Variants in NRCAM observed in about 807,000 individuals in gnomAD.
NRCAM encodes NgCAM-related cell adhesion molecule.
A neutral mutation model predicts 156.5 loss-of-function variants in NRCAM; 83 were observed. That is an observed-to-expected ratio of 0.53 (90% confidence interval 0.44 to 0.64). The LOEUF (loss-of-function observed/expected upper bound fraction) is 0.64. Ranked by LOEUF, NRCAM falls within the 30% of genes least tolerant of loss-of-function variation. The probability of loss-of-function intolerance (pLI) is 0.00; values close to 1 mark genes in which losing one functional copy is unlikely to be tolerated. For missense variants in NRCAM, 1,417 were observed against 1,597.3 expected, an observed-to-expected ratio of 0.89 and a Z score of 1.92; for synonymous variants, 538 against 563.9, an observed-to-expected ratio of 0.95 and a Z score of 0.65.
intron 2 of NRCAM, among the ~76,000 whole-genome samples, chr7:108,378,956 G>GT (rs1201586428): frequency 2.6e-5 from 4 of 152,110 alleles, no homozygotes; most frequent in Non-Finnish European, 5.9e-5. Flanking sequence ...TGCTTTTGAG[G>GT]TACAGCTAGC....
chr7:108,352,611 TG>T (rs1262845033), intron 2 of NRCAM, among the ~76,000 whole-genome samples: 1 of 152,216 alleles, frequency 6.6e-6, no homozygotes, highest in Non-Finnish European at 1.5e-5. Context: ...CATACAGAAA[TG>T]TTTTTTACTT....
At chr7:108,443,977 T>C (rs1004508789) in intron 1 of NRCAM, among the ~76,000 whole-genome samples, 4 of 150,698 alleles carry the variant, frequency 2.7e-5, no homozygotes, top group Admixed American at 2.0e-4. Flanking sequence ...GATGATGAGA[T>C]AGAGAGAGAG....
At chr7:108,441,150 A>G in intron 1 of NRCAM, among the ~76,000 whole-genome samples, 1 of 152,244 alleles carries the variant, frequency 6.6e-6, no homozygotes, top group East Asian at 1.9e-4. Context: ...TCAAGGAGTT[A>G]ATGTTAAATA....
intron 2 of NRCAM, among the ~76,000 whole-genome samples, chr7:108,331,337 G>A (rs12154914): frequency 0.25 from 37,923 of 151,896 alleles, 5,235 homozygotes; most frequent in Non-Finnish European, 0.3. Flanking sequence ...GAAGGTCAAG[G>A]CTGCAGTGAA....
At chr7:108,166,776 C>G in intron 30 of NRCAM, 145 bp downstream of exon 30, 2 of 590,002 alleles carry the variant, frequency 3.4e-6, no homozygotes, top group Non-Finnish European at 5.4e-6. Flanking sequence ...AGACAAAAAC[C>G]AAAACTCCCA....
At chr7:108,392,097 T>C (rs1168464328) in intron 2 of NRCAM, among the ~76,000 whole-genome samples, 5 of 152,316 alleles carry the variant, frequency 3.3e-5, no homozygotes, top group Admixed American at 2.0e-4. Context: ...GTTCTCTGTA[T>C]TTCCTGAATT....
chr7:108,449,410 G>A (rs1847885678), intron 1 of NRCAM, among the ~76,000 whole-genome samples: 2 of 152,162 alleles, frequency 1.3e-5, no homozygotes, highest in Admixed American at 6.5e-5. Context: ...CCCAGCAAGT[G>A]GGGCAGGCAA....
At position 108,446,977 on chromosome 7, in the gene NRCAM, G is replaced by A. The variant is rs1366834913; in HGVS notation, c.-332+9266C>T. On this transcript the variant is annotated intron_variant, in intron 1 of 32. Coordinates refer to ENST00000379028, the MANE Select transcript of NRCAM (RefSeq NM_001037132.4). Reference sequence around the variant, plus strand: ...ATTCCCGACCTCAAGTGATCTGCCCGCCCAGGCCTCCCAAAGTGCTGGGAT... The same window carrying A: ...ATTCCCGACCTCAAGTGATCTGCCCACCCAGGCCTCCCAAAGTGCTGGGAT... Among the ~76,000 whole-genome samples, 12 of 151,820 alleles carry A rather than the reference G, an allele frequency of 7.9e-5. No homozygotes were observed. The South Asian group carries it at 1.2e-3, about 16-fold the overall frequency.
At chr7:108,387,417 A>AAATCCATAAATATGGATGCACTATT (rs1280584242) in intron 2 of NRCAM, among the ~76,000 whole-genome samples, 1 of 152,130 alleles carries the variant, frequency 6.6e-6, no homozygotes, top group Non-Finnish European at 1.5e-5. Context: ...TGGATTACTT[A>AAATCCATAAATATGGATGCACTATT]TAGGTAATTA....
intron 3 of NRCAM, among the ~76,000 whole-genome samples, chr7:108,258,723 G>A (rs1413480636): frequency 1.3e-5 from 2 of 152,198 alleles, no homozygotes; most frequent in African/African-American, 4.8e-5. Context: ...TATGGAATGA[G>A]CATAGCGATG....
chr7:108,309,855 C>A (rs2154177585), intron 3 of NRCAM, among the ~76,000 whole-genome samples: 1 of 151,800 alleles, frequency 6.6e-6, no homozygotes, highest in South Asian at 2.1e-4. Context: ...GACTCCATCT[C>A]AAGAAAGAAA....
At chr7:108,392,608 C>G (rs1183126915) in intron 2 of NRCAM, among the ~76,000 whole-genome samples, 2 of 152,232 alleles carry the variant, frequency 1.3e-5, no homozygotes. Context: ...TGTTCCGTTG[C>G]TGGCAAGGAG....
intron 20 of NRCAM, among the ~76,000 whole-genome samples, chr7:108,185,494 G>GGGAGACCCAGGT (rs2066121159): frequency 6.6e-6 from 1 of 152,128 alleles, no homozygotes; most frequent in South Asian, 2.1e-4. Context: ...TCAGCACTTT[G>GGGAGACCCAGGT]GGAGACCCAG....
chr7:108,353,855 T>A (rs746392540), intron 2 of NRCAM, among the ~76,000 whole-genome samples: 4 of 152,272 alleles, frequency 2.6e-5, no homozygotes, highest in African/African-American at 9.6e-5. Flanking sequence ...AGCAACTTCA[T>A]GAGACCAGGA....
chr7:108,205,804 G>T (rs985728505), intron 13 of NRCAM, among the ~76,000 whole-genome samples: 2 of 152,152 alleles, frequency 1.3e-5, no homozygotes, highest in Non-Finnish European at 2.9e-5. Context: ...GCCCAGGCTG[G>T]TCTCTAACTC....
chr7:108,254,911 C>T (rs920671353), intron 3 of NRCAM, among the ~76,000 whole-genome samples: 1 of 152,070 alleles, frequency 6.6e-6, no homozygotes, highest in African/African-American at 2.4e-5. Context: ...TACTCTTTTA[C>T]CTAAGAGTAA....
intron 19 of NRCAM, among the ~76,000 whole-genome samples, chr7:108,189,998 G>A (rs895732386): frequency 5.3e-5 from 8 of 152,204 alleles, no homozygotes; most frequent in African/African-American, 1.9e-4. Context: ...CAAACCCAGT[G>A]AAGCAGACAC....
intron 3 of NRCAM, among the ~76,000 whole-genome samples, chr7:108,268,636 T>TGGA (rs2097206534): frequency 3.1e-3 from 26 of 8,480 alleles, no homozygotes; most frequent in South Asian, 8.3e-3. Context: ...GGGGGGGGGT[T>TGGA]GGGGGGGGCG....
At chr7:108,232,206 G>C (rs1253086136) in intron 7 of NRCAM, 120 bp downstream of exon 7, 1 of 748,916 alleles carries the variant, frequency 1.3e-6, no homozygotes, top group Non-Finnish European at 2.1e-6. Context: ...GCAAAACAAA[G>C]TCAGAATATT....
Sources: gnomAD v4.1 joint callset for allele counts (sites outside exome capture counted in the v4.1 genomes callset) on GRCh38, gnomAD v4.1.1 for gene constraint, MANE v1.5 for transcripts, NCBI Gene and HGNC (gene_info 2026-07-23, HGNC 2026-07-21) for gene names.